Variants in UNC13C observed in about 807,000 individuals in gnomAD.
UNC13C encodes the protein protein unc-13 homolog C.
A neutral mutation model predicts 245.4 loss-of-function variants in UNC13C; 174 were observed. The observed-to-expected ratio is 0.71, with a 90% CI of 0.63 to 0.80. The LOEUF is 0.80. UNC13C is among the 30% of genes least tolerant of loss of function. The pLI, the probability that UNC13C is intolerant of heterozygous loss-of-function variation, is 0.00. For missense variants in UNC13C, 2,829 were observed against 2,602.9 expected, an observed-to-expected ratio of 1.09 and a Z score of -1.89; for synonymous variants, 992 against 895.1, an observed-to-expected ratio of 1.11 and a Z score of -1.93.
chr15:54,044,448 G>A (rs1235384264), intron 2 of UNC13C: 2 of 330,750 alleles, frequency 6.0e-6, no homozygotes, highest in East Asian at 2.0e-4. Context: ...AGATCTAGAG[G>A]TAGGATTACT....
intron 25 of UNC13C, among the ~76,000 whole-genome samples, chr15:54,532,709 G>A (rs756133534): frequency 1.3e-4 from 20 of 152,094 alleles, no homozygotes; most frequent in Non-Finnish European, 2.4e-4. Flanking sequence ...TCAACCTGAA[G>A]AACAGCACTT....
chr15:54,499,663 T>C (rs1459654294), intron 20 of UNC13C, among the ~76,000 whole-genome samples: 1 of 152,144 alleles, frequency 6.6e-6, no homozygotes, highest in Non-Finnish European at 1.5e-5. Flanking sequence ...TTATAGATCA[T>C]AACTAAGGAG....
intron 2 of UNC13C, among the ~76,000 whole-genome samples, chr15:54,053,142 G>C (rs926924263): frequency 6.6e-6 from 1 of 152,058 alleles, no homozygotes; most frequent in East Asian, 1.9e-4. Context: ...GGGACTACAG[G>C]TGTGCACCAC....
intron 4 of UNC13C, among the ~76,000 whole-genome samples, chr15:54,186,848 T>TATATAC (rs2034005292): frequency 6.8e-6 from 1 of 147,160 alleles, no homozygotes; most frequent in Non-Finnish European, 1.5e-5. Flanking sequence ...TATATATGTA[T>TATATAC]ATATATATTT....
At chr15:53,863,435 T>C in the UNC13C span, among the ~76,000 whole-genome samples, 1 of 152,340 alleles carries the variant, frequency 6.6e-6, no homozygotes, top group Non-Finnish European at 1.5e-5. Flanking sequence ...TCAAAAGTCA[T>C]AAACTGTTAC....
intron 17 of UNC13C, among the ~76,000 whole-genome samples, chr15:54,358,076 A>G (rs967134432): frequency 2.0e-5 from 3 of 152,010 alleles, no homozygotes; most frequent in Non-Finnish European, 4.4e-5. Flanking sequence ...ATTAAGGACT[A>G]TCTTTTCCCC....
intron 4 of UNC13C, among the ~76,000 whole-genome samples, chr15:54,222,082 G>A (rs1034058881): frequency 6.6e-6 from 1 of 151,966 alleles, no homozygotes; most frequent in Non-Finnish European, 1.5e-5. Context: ...ACTCAAGAAT[G>A]TATGCTTTCT....
rs546015913 is a variant in UNC13C at position 54,400,871 on chromosome 15, G to A, written c.4847+7690G>A. ...ACCCATTAACTCATCATTTACATTCGGTATGTCTCCTAATGTTAAGAAAAT... is the reference window on the plus strand; with the variant it reads ...ACCCATTAACTCATCATTTACATTCAGTATGTCTCCTAATGTTAAGAAAAT... On this transcript the variant is annotated intron_variant, in intron 18 of 32. Coordinates refer to ENST00000260323, the MANE Select transcript of UNC13C (RefSeq NM_001080534.3). Among the ~76,000 whole-genome samples, 10 of 152,050 alleles carry A rather than the reference G, an allele frequency of 6.6e-5. No homozygotes were observed. The East Asian group carries it at 1.4e-3, about 21-fold the overall frequency.
At chr15:53,985,395 A>G (rs1894094822) in intron 1 of UNC13C, among the ~76,000 whole-genome samples, 1 of 150,852 alleles carries the variant, frequency 6.6e-6, no homozygotes, top group South Asian at 2.1e-4. Context: ...TTTAGGGCAC[A>G]TGTGCACAGT....
intron 1 of UNC13C, among the ~76,000 whole-genome samples, chr15:53,988,048 C>T (rs1393329241): frequency 6.6e-6 from 1 of 151,994 alleles, no homozygotes; most frequent in Non-Finnish European, 1.5e-5. Flanking sequence ...CCCAATACTT[C>T]TCTCCCTCAC....
chr15:54,012,030 A>G (rs17664418), intron 1 of UNC13C, among the ~76,000 whole-genome samples: 14,362 of 152,304 alleles, frequency 0.094, 856 homozygotes, highest in East Asian at 0.16. Flanking sequence ...GTTCAATTCA[A>G]CAAAACTTTG....
intron 4 of UNC13C, among the ~76,000 whole-genome samples, chr15:54,178,762 C>T (rs1016569013): frequency 6.6e-6 from 1 of 152,158 alleles, no homozygotes; most frequent in African/African-American, 2.4e-5. Context: ...TTTGCCCCCT[C>T]ACCTATTTGC....
At chr15:54,118,566 T>A (rs1038045745) in intron 2 of UNC13C, among the ~76,000 whole-genome samples, 1 of 152,174 alleles carries the variant, frequency 6.6e-6, no homozygotes, top group African/African-American at 2.4e-5. Flanking sequence ...TAGGTTTTTC[T>A]AATATAATAT....
intron 19 of UNC13C, among the ~76,000 whole-genome samples, chr15:54,492,710 A>G (rs1893774972): frequency 6.6e-6 from 1 of 152,138 alleles, no homozygotes; most frequent in Non-Finnish European, 1.5e-5. Flanking sequence ...TATCCAAAGG[A>G]AGAATTTGGC....
At position 54,557,916 on chromosome 15, in the gene UNC13C, G is replaced by A. The variant is rs1596567807; in HGVS notation, c.5958+2404G>A. Among the ~76,000 whole-genome samples, 5 of 152,038 alleles carry A rather than the reference G, an allele frequency of 3.3e-5. No homozygotes were observed. In the South Asian group the frequency reaches 1.0e-3, roughly 31 times the overall value. On this transcript the variant is annotated intron_variant, in intron 29 of 32. Transcript: ENST00000260323. ...GCACATATACACCATGGAATACTAT[G>A]CAGCCATAAAAAATGATGAGTTCAT...
intron 13 of UNC13C, among the ~76,000 whole-genome samples, chr15:54,305,794 C>T (rs992727274): frequency 1.4e-4 from 22 of 151,938 alleles, no homozygotes; most frequent in African/African-American, 4.6e-4. Context: ...TAACCATTTT[C>T]GAAAAAGACA....
At chr15:53,982,505 T>C (rs1479185535) in intron 1 of UNC13C, among the ~76,000 whole-genome samples, 2 of 152,086 alleles carry the variant, frequency 1.3e-5, no homozygotes, top group African/African-American at 2.4e-5. Flanking sequence ...ACTGATGATA[T>C]GGTCTCAGAA....
chr15:53,899,682 A>G, the UNC13C span, among the ~76,000 whole-genome samples: 2 of 152,144 alleles, frequency 1.3e-5, no homozygotes, highest in East Asian at 3.9e-4. Context: ...CTCCTGCCTC[A>G]GCCTCCCGAG....
At chr15:53,928,318 G>C in the UNC13C span, among the ~76,000 whole-genome samples, 1 of 152,206 alleles carries the variant, frequency 6.6e-6, no homozygotes, top group Non-Finnish European at 1.5e-5. Flanking sequence ...AATAGGTTGG[G>C]CTAGTTAACT....
Sources: gnomAD v4.1 joint callset for allele counts (sites outside exome capture counted in the v4.1 genomes callset) on GRCh38, gnomAD v4.1.1 for gene constraint, MANE v1.5 for transcripts, NCBI Gene and HGNC (gene_info 2026-07-23, HGNC 2026-07-21) for gene names.